Variants in ZSCAN18 observed in about 807,000 individuals in gnomAD.
ZSCAN18 encodes zinc finger and SCAN domain containing 18.
A neutral mutation model predicts 31.1 loss-of-function variants in ZSCAN18; 16 were observed. The observed-to-expected ratio is 0.51, with a 90% CI of 0.35 to 0.78. The LOEUF (loss-of-function observed/expected upper bound fraction) is 0.78, where lower values mean the gene tolerates loss of function less well. Ranked by LOEUF, ZSCAN18 falls within the 30% of genes least tolerant of loss-of-function variation. The pLI, the probability that ZSCAN18 is intolerant of heterozygous loss-of-function variation, is 0.01. For synonymous variants in ZSCAN18, 375 were observed against 320.7 expected, an observed-to-expected ratio of 1.17 and a Z score of -1.81; for missense variants, 731 against 697.4, an observed-to-expected ratio of 1.05 and a Z score of -0.54.
chr19:58,110,155 C>T (rs1172740152), intron 1 of ZSCAN18, among the ~76,000 whole-genome samples: 2 of 152,206 alleles, frequency 1.3e-5, no homozygotes, highest in African/African-American at 2.4e-5. Flanking sequence ...TCTGCAATTA[C>T]AGGTGTGAGC....
chr19:58,088,622 C>G (rs2074334207), intron 3 of ZSCAN18, 66 bp downstream of exon 3: 1 of 1,555,958 alleles, frequency 6.4e-7, no homozygotes, highest in Admixed American at 1.8e-5. Context: ...CTCTCCCAAC[C>G]ACAGGCCTCT....
chr19:58,100,462 C>G (rs561706131), upstream of ZSCAN18, among the ~76,000 whole-genome samples: 1 of 152,256 alleles, frequency 6.6e-6, no homozygotes, highest in African/African-American at 2.4e-5. Context: ...GTGACTATCC[C>G]CATCCTGAAG....
chr19:58,110,526 C>G (rs1393663356), intron 1 of ZSCAN18, among the ~76,000 whole-genome samples: 1 of 152,206 alleles, frequency 6.6e-6, no homozygotes, highest in Non-Finnish European at 1.5e-5. Flanking sequence ...TGCTGCTTCT[C>G]CCTGAGTCTT....
chr19:58,088,533 C>T (rs1401762600), intron 3 of ZSCAN18, 155 bp downstream of exon 3: 2 of 677,152 alleles, frequency 3.0e-6, no homozygotes, highest in Admixed American at 2.7e-5. Context: ...CAATGTCTAA[C>T]ATTCAGAGAA....
chr19:58,085,029 C>G lies in ZSCAN18; in HGVS notation c.1189G>C (p.Gly397Arg). Residue 397 changes from glycine (G) to arginine (R), a missense_variant, in exon 7 of 7, where the codon GGG becomes CGG. Physicochemically the swap from Gly to Arg is moderately radical, Grantham distance 125. This residue lies in a region of ZSCAN18 where 597 missense variants were observed against 499.5 expected (regional missense o/e 1.20). Coordinates refer to ENST00000601144, the MANE Select transcript of ZSCAN18 (RefSeq NM_001145543.2). ...SSGDSAGLEA[G>R]QGPGADEPGL... is the part of the protein sequence containing the mutation. ...GGCTCGTCAGCCCCAGGGCCCTGCCCGGCCTCCAGCCCTGCGCTGTCGCCG... is the reference window on the plus strand; with the variant it reads ...GGCTCGTCAGCCCCAGGGCCCTGCCGGGCCTCCAGCCCTGCGCTGTCGCCG... The G allele has an allele frequency of 6.3e-7, 1 of 1,589,232 alleles. No homozygotes were observed.
At position 58,085,262 on chromosome 19, in the gene ZSCAN18, G is replaced by A. The variant is rs775002157; in HGVS notation, c.956C>T (p.Ser319Leu). 1.9e-5 allele frequency: 31 copies of A among 1,604,062 alleles called. No homozygotes were observed. The highest frequency in any genetic ancestry group is 3.4e-5 in the Admixed American group (2 of 59,618). The change falls in exon 7 of 7, where the codon TCG (serine) becomes TTG (leucine). Residue 319 changes from serine (S) to leucine (L), a missense_variant. By Grantham distance (145) the Ser-to-Leu change is moderately radical. Coordinates refer to ENST00000601144, the MANE Select transcript of ZSCAN18 (RefSeq NM_001145543.2). ...PPGDALADPP[S>L]GTTEEEEEQP... ...CTCTTCCTCCTCCTCAGTGGTGCCC[G>A]ACGGGGGATCGGCAAGGGCGTCCCC...
Position 58,090,249 on chromosome 19 carries a change from C to A in ZSCAN18, c.19G>T (p.Ala7Ser). 1 of 1,613,470 alleles carries A rather than the reference C, an allele frequency of 6.2e-7. No homozygotes were observed. The highest frequency in any genetic ancestry group is 8.5e-7 in the Non-Finnish European group (1 of 1,180,022). ...GGGGAGCTCCTGGGGGAGGCAAACG[C>A]CTTCTCCAAAGGCAACATCTTTCCA... MLPLEK[A>S]FASPRSSPAP... The change falls in exon 2 of 7, where the codon GCG (alanine) becomes TCG (serine). Residue 7 changes from alanine to serine, a missense_variant. Ala to Ser is a moderately conservative substitution (Grantham distance 99, BLOSUM62 1). Around this residue, in one of 4 missense-constraint regions of ZSCAN18, gnomAD observed 86 missense variants for 119.1 expected, o/e 0.72. Transcript: ENST00000601144. This position sits in a 1 kb window ranked among gnomAD's most constrained non-coding sequence, Gnocchi z 4.7.
chr19:58,108,132 T>G, intron 1 of ZSCAN18: 3 of 987,578 alleles, frequency 3.0e-6, no homozygotes, highest in Non-Finnish European at 3.6e-6. Flanking sequence ...GCAAAAGAGC[T>G]GACTGTTGTG....
chr19:58,116,159 T>C (rs1047551767), intron 1 of ZSCAN18, among the ~76,000 whole-genome samples: 5 of 149,042 alleles, frequency 3.4e-5, no homozygotes, highest in Non-Finnish European at 5.9e-5. Flanking sequence ...CCATACTCCA[T>C]ATTGCCCGAG....
chr19:58,098,289 C>G (rs2074560610), upstream of ZSCAN18: 1 of 985,334 alleles, frequency 1.0e-6, no homozygotes, highest in South Asian at 4.7e-5. Context: ...TCCCACAATG[C>G]CGCGAGGCTG....
At chr19:58,101,139 T>TC, upstream of ZSCAN18, among the ~76,000 whole-genome samples, 1 of 137,818 alleles carries the variant, frequency 7.3e-6, no homozygotes, top group Non-Finnish European at 1.6e-5. Context: ...TTTTTTTTTT[T>TC]TTTTTTTTTT....
At chr19:58,114,412 T>C (rs1174764363) in intron 1 of ZSCAN18, among the ~76,000 whole-genome samples, 1 of 147,950 alleles carries the variant, frequency 6.8e-6, no homozygotes, top group African/African-American at 2.5e-5. Flanking sequence ...AGAATGTCTT[T>C]ATTCTTAGAA....
At position 58,084,789 on chromosome 19, in the gene ZSCAN18, G is replaced by A; in HGVS notation, c.1429C>T (p.Pro477Ser). The change falls in exon 7 of 7, where the codon CCC (proline) becomes TCC (serine). Residue 477 changes from proline to serine, a missense_variant. By Grantham distance (74) the Pro-to-Ser change is moderately conservative. Around this residue, in one of 4 missense-constraint regions of ZSCAN18, gnomAD observed 597 missense variants for 499.5 expected, o/e 1.20. Transcript: ENST00000601144. This position sits in a 1 kb window ranked among gnomAD's most constrained non-coding sequence, Gnocchi z 4.5. ...TGGGCTTCGCGGGTGGACGGTTGGG[G>A]GCCCCGGGCGCCCCCCAGCGCGTAG... The part of the protein sequence containing the change: ...KSYALGGARG[P>S]QPSTREAQAG... The A allele has an allele frequency of 6.3e-7, 1 of 1,577,062 alleles. No homozygotes were observed. Among genetic ancestry groups the A allele is most frequent in the Non-Finnish European group, 8.6e-7 (1 of 1,167,932 alleles).
intron 1 of ZSCAN18, chr19:58,109,351 C>A (rs2074660780): frequency 4.1e-6 from 5 of 1,231,060 alleles, no homozygotes; most frequent in Non-Finnish European, 5.1e-6. Flanking sequence ...GAAAAAATTG[C>A]TAGAGTTAGA....
At chr19:58,100,713 G>T (rs12974045), upstream of ZSCAN18, among the ~76,000 whole-genome samples, 81,338 of 146,682 alleles carry the variant, frequency 0.55, 24,562 homozygotes, top group Non-Finnish European at 0.68. Flanking sequence ...TGAAACCCTG[G>T]CTCTACTAAA....
At chr19:58,104,245 G>T (rs1399070755) in intron 1 of ZSCAN18, among the ~76,000 whole-genome samples, 1 of 152,186 alleles carries the variant, frequency 6.6e-6, no homozygotes, top group African/African-American at 2.4e-5. Flanking sequence ...TGGGCATGGT[G>T]GCGTGCGCCT....
At chr19:58,102,697 GCAA>G, upstream of ZSCAN18, among the ~76,000 whole-genome samples, 1 of 58,440 alleles carries the variant, frequency 1.7e-5, no homozygotes, top group East Asian at 2.9e-4. Flanking sequence ...TGTCATCTCA[GCAA>G]CAAGATTTTT....
chr19:58,118,341 A>G, exon 1 of ZSCAN18: 1 of 1,532,774 alleles, frequency 6.5e-7, no homozygotes, highest in East Asian at 2.6e-5. Context: ...GAGAGGACGG[A>G]ACTCACTTCC....
At chr19:58,116,748 CTGAG>C (rs2074733351) in intron 1 of ZSCAN18, among the ~76,000 whole-genome samples, 2 of 152,178 alleles carry the variant, frequency 1.3e-5, no homozygotes, top group Admixed American at 6.5e-5. Context: ...CTGCCTGTTA[CTGAG>C]TAAGGAGAGT....
Sources: gnomAD v4.1 joint callset for allele counts (sites outside exome capture counted in the v4.1 genomes callset) on GRCh38, gnomAD v4.1.1 for gene constraint, gnomAD v4.1.1 regional missense constraint, Gnocchi (gnomAD v3.1) non-coding constraint, MANE v1.5 for transcripts, NCBI Gene and HGNC (gene_info 2026-07-23, HGNC 2026-07-21) for gene names.